Variants in BDKRB2 observed in about 807,000 individuals in gnomAD.
The protein encoded by BDKRB2 is B2 bradykinin receptor.
BDKRB2 carries 6 observed loss-of-function variants against 4.0 expected under a neutral mutation model. The observed-to-expected ratio is 1.49, with a 90% confidence interval of 0.81 to 2.93. The LOEUF (loss-of-function observed/expected upper bound fraction) is 2.93, where lower values mean the gene tolerates loss of function less well. BDKRB2 is among the 30% of genes most tolerant of loss of function. The probability of loss-of-function intolerance (pLI) is 0.00; values close to 1 mark genes in which losing one functional copy is unlikely to be tolerated. For missense variants in BDKRB2, 478 were observed against 520.1 expected (o/e 0.92, Z 0.79); for synonymous variants, 225 against 215.3 (o/e 1.05, Z -0.40).
At chr14:96,217,023 A>G (rs1595250645) in intron 1 of BDKRB2, among the ~76,000 whole-genome samples, 1 of 152,302 alleles carries the variant, frequency 6.6e-6, no homozygotes, top group East Asian at 1.9e-4. Flanking sequence ...CCTGGTCCAA[A>G]TTCACCAGAA....
chr14:96,207,462 A>C (rs1415832295), intron 1 of BDKRB2, among the ~76,000 whole-genome samples: 1 of 152,180 alleles, frequency 6.6e-6, no homozygotes, highest in Admixed American at 6.5e-5. Flanking sequence ...TAGGGGAGGG[A>C]GGAGAGAATG....
chr14:96,210,019 C>G (rs58344703), intron 1 of BDKRB2, among the ~76,000 whole-genome samples: 1 of 123,824 alleles, frequency 8.1e-6, no homozygotes, highest in Non-Finnish European at 1.8e-5. Context: ...TAATAATAAT[C>G]ATCATCATCA....
intron 1 of BDKRB2, among the ~76,000 whole-genome samples, chr14:96,220,396 A>G (rs1890530817): frequency 6.6e-6 from 1 of 152,146 alleles, no homozygotes; most frequent in Admixed American, 6.5e-5. Context: ...GCTTATCCAC[A>G]CCATGACACA....
At chr14:96,223,687 GTTT>G (rs933154687) in intron 1 of BDKRB2, among the ~76,000 whole-genome samples, 4 of 151,942 alleles carry the variant, frequency 2.6e-5, no homozygotes, top group African/African-American at 9.7e-5. Context: ...TGCTGTTTTT[GTTT>G]TTTCCTGCCT....
chr14:96,230,268 G>A (rs1260508540), intron 1 of BDKRB2, among the ~76,000 whole-genome samples: 4 of 152,278 alleles, frequency 2.6e-5, no homozygotes, highest in Non-Finnish European at 5.9e-5. Flanking sequence ...TCCCATGACA[G>A]GAGGTTTCAT....
At chr14:96,219,468 G>A (rs1890505252) in intron 1 of BDKRB2, among the ~76,000 whole-genome samples, 1 of 151,826 alleles carries the variant, frequency 6.6e-6, no homozygotes, top group Admixed American at 6.6e-5. Context: ...CTATGCCCTT[G>A]GGGACTTCTG....
At position 96,239,838 on chromosome 14, in the gene BDKRB2, T is replaced by C. The variant is rs2242965; in HGVS notation, c.75-565T>C. The C allele has an allele frequency of 7.6e-4, 747 of 985,340 alleles. 1 individual carries two copies. In the African/African-American group the frequency reaches 0.012, roughly 16 times the overall value. The allele number at this position is 985,340 out of a possible 1,614,324, so 61.0% of individuals were successfully genotyped here. A position where few individuals can be genotyped will look rare whatever the true frequency, so the allele number is the denominator to read the frequency against. ...CCTCGCCATCTGTATCCTCCAATCA[T>C]CTTCAGTGCTTTGCTGATAGAAGGT... On this transcript the variant is annotated intron_variant, in intron 2 of 2. Coordinates refer to ENST00000554311, the MANE Select transcript of BDKRB2 (RefSeq NM_001379692.1).
intron 1 of BDKRB2, among the ~76,000 whole-genome samples, chr14:96,209,038 C>A (rs571291355): frequency 6.6e-6 from 1 of 152,194 alleles, no homozygotes; most frequent in Non-Finnish European, 1.5e-5. Context: ...CTCTTCCCTG[C>A]GGGTTTCCTA....
chr14:96,238,413 T>C (rs1460069019), intron 2 of BDKRB2: 3 of 969,348 alleles, frequency 3.1e-6, no homozygotes, highest in African/African-American at 1.8e-5. Flanking sequence ...AGGAAGCAGA[T>C]TCCTCCTTTT....
chr14:96,241,833 C>T lies in BDKRB2; in HGVS notation c.*329C>T, dbSNP rs1009525193. Reference sequence around the variant, plus strand: ...GGAGAGGAGTGACTGAGCTTCCCTCCCGTGTGTTCTCCGTCCCTGCCCCAG... The same window carrying T: ...GGAGAGGAGTGACTGAGCTTCCCTCTCGTGTGTTCTCCGTCCCTGCCCCAG... On this transcript the variant is annotated 3_prime_UTR_variant, in exon 3 of 3. Transcript: ENST00000554311. The T allele has an allele frequency of 1.3e-5, 3 of 229,922 alleles. No homozygotes were observed. Among genetic ancestry groups the T allele is most frequent in the African/African-American group, 2.3e-5 (1 of 44,444 alleles). The allele number at this position is 229,922 out of a possible 1,614,324, so 14.2% of individuals were successfully genotyped here. A position where few individuals can be genotyped will look rare whatever the true frequency, so the allele number is the denominator to read the frequency against.
intron 1 of BDKRB2, among the ~76,000 whole-genome samples, chr14:96,215,916 G>GT (rs1237892279): frequency 6.6e-6 from 1 of 152,200 alleles, no homozygotes; most frequent in African/African-American, 2.4e-5. Flanking sequence ...GGGCACTGCA[G>GT]TAAGCGCAGA....
intron 1 of BDKRB2, among the ~76,000 whole-genome samples, chr14:96,228,425 A>G (rs1054927440): frequency 3.3e-5 from 5 of 152,136 alleles, no homozygotes; most frequent in South Asian, 2.1e-4. Context: ...TGGTGAATGC[A>G]GAGGTTTTAT....
Position 96,238,364 on chromosome 14 carries a change from C to A in BDKRB2, c.74+1183C>A, listed in dbSNP as rs912862569. 1.9e-5 allele frequency: 14 copies of A among 728,472 alleles called. No homozygotes were observed. The African/African-American group carries it at 2.1e-4, about 11-fold the overall frequency. The allele number at this position is 728,472 out of a possible 1,614,324, so 45.1% of individuals were successfully genotyped here. The stretch of plus-strand genomic sequence containing the variant: ...CCTCAGAAATCACACACCATCCCTG[C>A]CACCATTAGTAAGAAGTCCAGCCCA... On this transcript the variant is annotated intron_variant, in intron 2 of 2. Transcript: ENST00000554311.
chr14:96,234,391 A>G (rs1277860430), intron 1 of BDKRB2, among the ~76,000 whole-genome samples: 1 of 152,040 alleles, frequency 6.6e-6, no homozygotes, highest in Non-Finnish European at 1.5e-5. Flanking sequence ...ACAACACCCC[A>G]TCCTCCCTCT....
At chr14:96,213,495 A>AACACAC (rs66460667) in intron 1 of BDKRB2, among the ~76,000 whole-genome samples, 2,776 of 146,728 alleles carry the variant, frequency 0.019, 37 homozygotes, top group South Asian at 0.049. Context: ...GACCGACCCA[A>AACACAC]ACACACACAC....
chr14:96,218,835 C>A (rs1408886009), intron 1 of BDKRB2, among the ~76,000 whole-genome samples: 1 of 151,998 alleles, frequency 6.6e-6, no homozygotes, highest in African/African-American at 2.4e-5. Flanking sequence ...AGGATAATTG[C>A]TTGAACCCAG....
chr14:96,220,252 A>G (rs1424602767), intron 1 of BDKRB2, among the ~76,000 whole-genome samples: 1 of 151,866 alleles, frequency 6.6e-6, no homozygotes, highest in Non-Finnish European at 1.5e-5. Context: ...AAGTCAGAGG[A>G]AATGCCGGGG....
chr14:96,222,887 A>G (rs935626368), intron 1 of BDKRB2, among the ~76,000 whole-genome samples: 2 of 152,024 alleles, frequency 1.3e-5, no homozygotes, highest in African/African-American at 2.4e-5. Context: ...GTGTCTTTTT[A>G]CTTTTTTTAA....
At chr14:96,239,653 A>G (rs1224751868) in intron 2 of BDKRB2, 11 of 952,876 alleles carry the variant, frequency 1.2e-5, no homozygotes, top group East Asian at 1.2e-4. Context: ...TCTGATCCCT[A>G]TCACAACCCT....
Sources: gnomAD v4.1 joint callset for allele counts (sites outside exome capture counted in the v4.1 genomes callset) on GRCh38, gnomAD v4.1.1 for gene constraint, MANE v1.5 for transcripts, NCBI Gene and HGNC (gene_info 2026-07-23, HGNC 2026-07-21) for gene names.